Variants in FBXL20 observed in about 807,000 individuals in gnomAD.
FBXL20 encodes the protein F-box/LRR-repeat protein 20.
FBXL20 carries 11 observed loss-of-function variants against 64.0 expected under a neutral mutation model. The ratio of observed to expected loss-of-function variants is 0.17; its 90% CI spans 0.11 to 0.28. The LOEUF is 0.28. Ranked by LOEUF, FBXL20 falls within the 10% of genes least tolerant of loss-of-function variation. The pLI is 1.00. For synonymous variants in FBXL20, 184 were observed against 189.0 expected, an observed-to-expected ratio of 0.97 and a Z score of 0.22; for missense variants, 303 against 526.2, an observed-to-expected ratio of 0.58 and a Z score of 4.15.
Position 39,282,717 on chromosome 17 carries a change from A to G in FBXL20, c.621+12T>C. On this transcript the variant is annotated intron_variant, in intron 8 of 14. Coordinates refer to ENST00000264658, the MANE Select transcript of FBXL20 (RefSeq NM_032875.3). ...TTCTTCCGAATTTCACGAGCCCTAC[A>G]TGGAGTATTACCTGCGTGCAGCCTT... 1.2e-6 allele frequency: 2 copies of G among 1,614,098 alleles called. No homozygotes were observed. The highest frequency in any genetic ancestry group is 1.3e-5 in the African/African-American group (1 of 75,054).
Position 39,388,507 on chromosome 17 carries a change from G to A in FBXL20, c.42+12854C>T, listed in dbSNP as rs1422432735. ...TTTTTTAATTTTTTTTTTTTGAGAC[G>A]GCGTCTCGCTCTGTCGCCCAGGCTG... On this transcript the variant is annotated intron_variant, in intron 1 of 14. Coordinates refer to ENST00000264658, the MANE Select transcript of FBXL20 (RefSeq NM_032875.3). Among the ~76,000 whole-genome samples, 8 of 147,018 alleles carry A rather than the reference G, an allele frequency of 5.4e-5. No homozygotes were observed. In the East Asian group the frequency reaches 6.1e-4, roughly 11 times the overall value.
At chr17:39,401,817 G>T, upstream of FBXL20, 1 of 687,890 alleles carries the variant, frequency 1.5e-6, no homozygotes. Flanking sequence ...CCCGGGAGCA[G>T]CCGGTGCGCG....
At chr17:39,272,402 AT>A (rs1321051104) in intron 10 of FBXL20, among the ~76,000 whole-genome samples, 27 of 110,670 alleles carry the variant, frequency 2.4e-4, no homozygotes, top group African/African-American at 8.1e-4. Context: ...AAAAAAAAAA[AT>A]TTTTTTTTTA....
intron 13 of FBXL20, 70 bp from the exon 14 acceptor site, chr17:39,264,457 G>T: frequency 6.6e-7 from 1 of 1,525,648 alleles, no homozygotes; most frequent in Non-Finnish European, 9.0e-7. Context: ...AGGCTTGTGT[G>T]AATTGGAAAG....
At chr17:39,337,591 G>A (rs879063545) in intron 2 of FBXL20, among the ~76,000 whole-genome samples, 1 of 150,184 alleles carries the variant, frequency 6.7e-6, no homozygotes, top group Admixed American at 6.6e-5. Context: ...GCCTCTGCCC[G>A]GCCGCGACCC....
At chr17:39,333,197 C>T (rs2047480511) in intron 2 of FBXL20, among the ~76,000 whole-genome samples, 1 of 152,210 alleles carries the variant, frequency 6.6e-6, no homozygotes, top group South Asian at 2.1e-4. Context: ...TGATGCCCAG[C>T]CGAGGCTGGA....
At chr17:39,338,728 G>A (rs1447643734) in intron 2 of FBXL20, among the ~76,000 whole-genome samples, 1 of 152,168 alleles carries the variant, frequency 6.6e-6, no homozygotes, top group Non-Finnish European at 1.5e-5. Flanking sequence ...TGTACCTCTT[G>A]TTGATACATG....
chr17:39,263,684 C>A (rs768796956), intron 14 of FBXL20, among the ~76,000 whole-genome samples: 1 of 152,086 alleles, frequency 6.6e-6, no homozygotes, highest in Non-Finnish European at 1.5e-5. Context: ...AGAGTGAGAT[C>A]CCATCTCTTA....
intron 1 of FBXL20, among the ~76,000 whole-genome samples, chr17:39,383,173 A>G (rs2048043304): frequency 6.6e-6 from 1 of 151,734 alleles, no homozygotes; most frequent in Non-Finnish European, 1.5e-5. Flanking sequence ...AAAAAAAAAA[A>G]AAAAAAGAAA....
intron 2 of FBXL20, among the ~76,000 whole-genome samples, chr17:39,314,791 TTTTC>T (rs1362001444): frequency 8.6e-4 from 118 of 137,314 alleles, no homozygotes; most frequent in African/African-American, 3.2e-3. Context: ...CTCCATATCC[TTTTC>T]TTTTTTTTTT....
intron 1 of FBXL20, among the ~76,000 whole-genome samples, chr17:39,392,338 G>A (rs1316665910): frequency 2.0e-5 from 3 of 151,584 alleles, no homozygotes; most frequent in Non-Finnish European, 4.4e-5. Flanking sequence ...TACTCAGGAG[G>A]CTGAGGCACC....
chr17:39,311,018 C>T (rs1048418246), intron 2 of FBXL20, among the ~76,000 whole-genome samples: 7 of 151,552 alleles, frequency 4.6e-5, no homozygotes, highest in Non-Finnish European at 1.0e-4. Flanking sequence ...AAAAAATCAG[C>T]TGCGCATGGT....
intron 2 of FBXL20, among the ~76,000 whole-genome samples, chr17:39,322,156 T>C (rs931876625): frequency 2.8e-5 from 3 of 107,232 alleles, no homozygotes; most frequent in African/African-American, 8.4e-5. Flanking sequence ...TGAGACACTA[T>C]CTCTACCAAA....
At chr17:39,359,112 C>T (rs933374698) in intron 1 of FBXL20, among the ~76,000 whole-genome samples, 2 of 152,038 alleles carry the variant, frequency 1.3e-5, no homozygotes, top group East Asian at 1.9e-4. Context: ...GCTGCTGAGG[C>T]GGGCTGATCG....
In FBXL20 at chr17:39,347,006, C is replaced by T. The variant is rs574498103; in HGVS notation, c.43-3765G>A. Among the ~76,000 whole-genome samples, 3 of 152,324 alleles carry T rather than the reference C, an allele frequency of 2.0e-5. No individual in the cohort carries two copies. The East Asian group carries it at 5.8e-4, about 29-fold the overall frequency. ...GTTTCCAGCTTCATCCATGTCCCTA[C>T]AAAGGACATGAACTCATCCTTTTTT... On this transcript the variant is annotated intron_variant, in intron 1 of 14. Transcript: ENST00000264658.
chr17:39,394,581 T>C (rs2048165343), intron 1 of FBXL20, among the ~76,000 whole-genome samples: 1 of 151,408 alleles, frequency 6.6e-6, no homozygotes, highest in Non-Finnish European at 1.5e-5. Flanking sequence ...TTTTTTTTTT[T>C]TAAGACGGAG....
intron 1 of FBXL20, among the ~76,000 whole-genome samples, chr17:39,363,817 A>C (rs1597821633): frequency 7.0e-6 from 1 of 143,632 alleles, no homozygotes; most frequent in African/African-American, 2.7e-5. Flanking sequence ...TCTCAAAAAA[A>C]AAAAAAAAAC....
intron 1 of FBXL20, among the ~76,000 whole-genome samples, chr17:39,379,395 T>C (rs1241201765): frequency 6.8e-6 from 1 of 147,658 alleles, no homozygotes; most frequent in Admixed American, 7.0e-5. Flanking sequence ...ATTCTAACTT[T>C]GGGAGGCTGA....
chr17:39,337,594 C>T (rs1474994853), intron 2 of FBXL20, among the ~76,000 whole-genome samples: 1 of 149,948 alleles, frequency 6.7e-6, no homozygotes, highest in Admixed American at 6.6e-5. Flanking sequence ...TCTGCCCGGC[C>T]GCGACCCCGT....
Sources: allele counts gnomAD v4.1 joint callset (sites outside exome capture counted in the v4.1 genomes callset), GRCh38; gene constraint gnomAD v4.1.1; transcripts MANE v1.5; gene names NCBI Gene and HGNC (gene_info 2026-07-23, HGNC 2026-07-21).